CYTH4: variants seen among roughly 807,000 people sequenced by gnomAD.
CYTH4 encodes cytohesin-4.
Under a neutral mutation model 57.5 loss-of-function variants are expected in CYTH4, and 22 were observed. The observed-to-expected ratio is 0.38, with a 90% CI of 0.27 to 0.55. The LOEUF is 0.55. Ranked by LOEUF, CYTH4 falls within the 20% of genes least tolerant of loss-of-function variation. The probability of loss-of-function intolerance (pLI) is 0.74; values close to 1 mark genes in which losing one functional copy is unlikely to be tolerated. For missense variants in CYTH4, 420 were observed against 535.6 expected, an observed-to-expected ratio of 0.78 and a Z score of 2.13; for synonymous variants, 186 against 206.5, an observed-to-expected ratio of 0.90 and a Z score of 0.85.
chr22:37,294,872 G>A (rs1400318431), intron 3 of CYTH4, 148 bp downstream of exon 3: 17 of 928,280 alleles, frequency 1.8e-5, no homozygotes, highest in African/African-American at 3.3e-5. Context: ...CAACGAGACC[G>A]GAACAGGGTG....
intron 1 of CYTH4, among the ~76,000 whole-genome samples, chr22:37,285,542 A>G (rs1928524976): frequency 6.6e-6 from 1 of 151,994 alleles, no homozygotes; most frequent in Non-Finnish European, 1.5e-5. Flanking sequence ...CCCCGTCTCT[A>G]CTAAAAATAC....
intron 8 of CYTH4, among the ~76,000 whole-genome samples, chr22:37,303,976 C>G (rs1353265268): frequency 6.6e-6 from 1 of 152,200 alleles, no homozygotes; most frequent in African/African-American, 2.4e-5. Context: ...CTGCCCTGAC[C>G]AAGTTCAGGG....
chr22:37,300,372 G>A, intron 6 of CYTH4: 1 of 641,114 alleles, frequency 1.6e-6, no homozygotes, highest in Non-Finnish European at 2.8e-6. Context: ...AGGTGCCCAG[G>A]ACTGTGTGAA....
At chr22:37,302,509 G>A (rs1025562074) in intron 7 of CYTH4, among the ~76,000 whole-genome samples, 1 of 152,220 alleles carries the variant, frequency 6.6e-6, no homozygotes, top group Non-Finnish European at 1.5e-5. Flanking sequence ...AACGCTCGGT[G>A]CCACTGCTAT....
In CYTH4 at chr22:37,303,369, C is replaced by T. The variant is rs1929263397; in HGVS notation, c.663C>T (p.Asn221=). ...ERFVSMNRGI[N]NGSDLPEDQL... ...TTGTGTCCATGAACCGCGGCATCAA[C>T]AATGGTAGCGACCTGCCCGAGGACC... The change falls in exon 8 of 13, where the codon AAC becomes AAT. Residue 221 remains asparagine (N), a synonymous_variant. Transcript: ENST00000248901. The T allele has an allele frequency of 1.9e-6, 3 of 1,613,982 alleles. No individual in the cohort carries two copies. The highest frequency in any genetic ancestry group is 4.5e-5 in the East Asian group (2 of 44,886).
intron 6 of CYTH4, 131 bp from the exon 7 acceptor site, chr22:37,300,776 A>G: frequency 1.4e-6 from 1 of 718,244 alleles, no homozygotes; most frequent in Non-Finnish European, 2.3e-6. Context: ...CTTCCCCGTC[A>G]GCCCAGATGA....
Position 37,303,333 on chromosome 22 carries a change from T to C in CYTH4, c.627T>C (p.Pro209=). ...ATCCCAACGTCCGGGACAGGCCGCC[T>C]TTTGAGCGCTTTGTGTCCATGAACC... ...LHNPNVRDRP[P]FERFVSMNRG... is the part of the protein sequence containing the mutation. The change falls in exon 8 of 13, where the codon CCT becomes CCC. Residue 209 remains proline (P), a synonymous_variant. Transcript: ENST00000248901. 6.2e-7 allele frequency: 1 copy of C among 1,614,186 alleles called. No homozygotes were observed. Among genetic ancestry groups the C allele is most frequent in the Admixed American group, 1.7e-5 (1 of 60,000 alleles).
intron 5 of CYTH4, 52 bp from the exon 6 acceptor site, chr22:37,299,174 T>C: frequency 2.1e-6 from 3 of 1,444,212 alleles, no homozygotes. Context: ...AGGAGGTGGG[T>C]GCCAGCAAGT....
At chr22:37,306,800 G>A (rs910094530) in intron 8 of CYTH4, among the ~76,000 whole-genome samples, 5 of 152,186 alleles carry the variant, frequency 3.3e-5, no homozygotes, top group African/African-American at 4.8e-5. Context: ...GAGATGGCCC[G>A]GCCTTCCCGT....
At chr22:37,310,263 T>C (rs577116865) in intron 9 of CYTH4, among the ~76,000 whole-genome samples, 15 of 151,250 alleles carry the variant, frequency 9.9e-5, no homozygotes, top group Admixed American at 5.2e-4. Flanking sequence ...AGAAGCTCTA[T>C]GTCATAAATC....
At position 37,313,627 on chromosome 22, in the gene CYTH4, T is replaced by G; in HGVS notation, c.*116T>G. The G allele has an allele frequency of 7.4e-6, 7 of 950,172 alleles. No individual in the cohort carries two copies. Among genetic ancestry groups the G allele is most frequent in the Non-Finnish European group, 1.2e-5 (7 of 605,766 alleles). The allele number at this position is 950,172 out of a possible 1,614,324, so 58.9% of individuals were successfully genotyped here. On this transcript the variant is annotated 3_prime_UTR_variant, in exon 13 of 13. Transcript: ENST00000248901. ...TTTGGGCCACAGACATCATTGCTGT[T>G]CCCCGTTACCTCGAGCTGACTCTAG...
At chr22:37,297,812 G>A (rs969746331) in intron 5 of CYTH4, 130 bp downstream of exon 5, 12 of 718,852 alleles carry the variant, frequency 1.7e-5, no homozygotes, top group African/African-American at 1.1e-4. Flanking sequence ...AGGGGCTCAC[G>A]GATCATCCCC....
intron 8 of CYTH4, among the ~76,000 whole-genome samples, chr22:37,308,338 A>G (rs1438728487): frequency 1.3e-5 from 2 of 152,192 alleles, no homozygotes; most frequent in African/African-American, 2.4e-5. Flanking sequence ...TGTGTGTGTA[A>G]GCATGCATGT....
At position 37,300,421 on chromosome 22, in the gene CYTH4, A is replaced by G. The variant is rs1348820506; in HGVS notation, c.435-486A>G. 3.8e-5 allele frequency: 22 copies of G among 580,540 alleles called. No individual in the cohort carries two copies. The East Asian group carries it at 6.4e-4, about 17-fold the overall frequency. The allele number at this position is 580,540 out of a possible 1,614,324, so 36.0% of individuals were successfully genotyped here. A position where few individuals can be genotyped will look rare whatever the true frequency, so the allele number is the denominator to read the frequency against. ...AGTGAGAGATACAGGCCCAGTTCTCACCTTCAGAGAACTTAGCTTGAAGCT... is the reference window on the plus strand; with the variant it reads ...AGTGAGAGATACAGGCCCAGTTCTCGCCTTCAGAGAACTTAGCTTGAAGCT... On this transcript the variant is annotated intron_variant, in intron 6 of 12. Coordinates refer to ENST00000248901, the MANE Select transcript of CYTH4 (RefSeq NM_013385.5).
intron 8 of CYTH4, among the ~76,000 whole-genome samples, chr22:37,308,327 CTGTG>C (rs757013972): frequency 2.6e-5 from 4 of 152,134 alleles, no homozygotes; most frequent in African/African-American, 9.7e-5. Flanking sequence ...GTGTCTGTGT[CTGTG>C]TGTGTAAGCA....
chr22:37,305,832 T>A (rs960975291), intron 8 of CYTH4, among the ~76,000 whole-genome samples: 3 of 152,128 alleles, frequency 2.0e-5, no homozygotes, highest in African/African-American at 7.2e-5. Context: ...ACCTCAAGGG[T>A]ACACAGACCA....
chr22:37,284,219 T>C (rs954116947), intron 1 of CYTH4, among the ~76,000 whole-genome samples: 1 of 152,122 alleles, frequency 6.6e-6, no homozygotes, highest in African/African-American at 2.4e-5. Context: ...CATCGAGTAG[T>C]TGGTCTTTTC....
chr22:37,284,957 G>A (rs7288504), intron 1 of CYTH4, among the ~76,000 whole-genome samples: 37,764 of 151,870 alleles, frequency 0.25, 5,198 homozygotes, highest in East Asian at 0.45. Flanking sequence ...TGGGGGGGCG[G>A]CGGGGGAGGA....
Position 37,282,536 on chromosome 22 carries a change from G to C in CYTH4, c.-34G>C. On this transcript the variant is annotated 5_prime_UTR_variant, in exon 1 of 13. Coordinates refer to ENST00000248901, the MANE Select transcript of CYTH4 (RefSeq NM_013385.5). ...CAGCAGCTGGGTCGGCAAGCGACAG[G>C]AGCACGGGTCATCTTTTCCCCAGAG... The C allele has an allele frequency of 6.2e-7, 1 of 1,613,612 alleles. No individual in the cohort carries two copies. Among genetic ancestry groups the C allele is most frequent in the Non-Finnish European group, 8.5e-7 (1 of 1,179,822 alleles).
Sources: gnomAD v4.1 joint callset for allele counts (sites outside exome capture counted in the v4.1 genomes callset) on GRCh38, gnomAD v4.1.1 for gene constraint, MANE v1.5 for transcripts, NCBI Gene and HGNC (gene_info 2026-07-23, HGNC 2026-07-21) for gene names.